Variants in CYP19A1 observed in about 807,000 individuals in gnomAD.
CYP19A1 encodes aromatase.
In CYP19A1, 32 loss-of-function variants were observed where a neutral mutation model predicts 44.4. The observed-to-expected ratio is 0.72, with a 90% CI of 0.54 to 0.97. The LOEUF (loss-of-function observed/expected upper bound fraction) is 0.97, where lower values mean the gene tolerates loss of function less well. Among genes scored for constraint, CYP19A1 ranks in the 50% least tolerant of loss-of-function variants. The pLI is 0.00. For synonymous variants in CYP19A1, 212 were observed against 215.6 expected (o/e 0.98, Z 0.14); for missense variants, 598 against 637.8 (o/e 0.94, Z 0.67).
chr15:51,295,411 C>T (rs952180599), intron 1 of CYP19A1, among the ~76,000 whole-genome samples: 3 of 152,148 alleles, frequency 2.0e-5, no homozygotes, highest in South Asian at 2.1e-4. Context: ...TGTCATTCCT[C>T]TCTATGGAGT....
chr15:51,331,227 A>G (rs1197592938), intron 1 of CYP19A1, among the ~76,000 whole-genome samples: 1 of 152,140 alleles, frequency 6.6e-6, no homozygotes, highest in African/African-American at 2.4e-5. Flanking sequence ...TCCAAATGAG[A>G]AAGACAGACC....
intron 1 of CYP19A1, among the ~76,000 whole-genome samples, chr15:51,248,885 T>TAAA (rs1435791206): frequency 6.6e-6 from 1 of 152,072 alleles, no homozygotes; most frequent in African/African-American, 2.4e-5. Flanking sequence ...AATCCTCTGC[T>TAAA]AAAAACCTTT....
intron 1 of CYP19A1, chr15:51,318,506 G>A (rs1233168133): frequency 6.6e-6 from 1 of 152,268 alleles, no homozygotes; most frequent in Non-Finnish European, 1.5e-5. Flanking sequence ...TTGGAGCCAG[G>A]AGCCAGTTTC....
rs912797225 is a variant in CYP19A1 at position 51,258,329 on chromosome 15, C to T, written c.-38-15379G>A. On this transcript the variant is annotated intron_variant, in intron 1 of 9. Coordinates refer to ENST00000396402, the MANE Select transcript of CYP19A1 (RefSeq NM_000103.4). The stretch of plus-strand genomic sequence containing the variant: ...AGCCCACAGCACTTGTTGTTCTCTC[C>T]AGCCTGCCGACACCTCTCCTACCAT... 7.9e-5 allele frequency among the ~76,000 whole-genome samples: 12 copies of T among 152,202 alleles called. No homozygotes were observed. The South Asian group carries it at 1.7e-3, about 21-fold the overall frequency.
chr15:51,260,720 G>T (rs545323353), intron 1 of CYP19A1, among the ~76,000 whole-genome samples: 1 of 152,250 alleles, frequency 6.6e-6, no homozygotes, highest in African/African-American at 2.4e-5. Flanking sequence ...TAGTAAAGAG[G>T]GCTCACTAAA....
chr15:51,328,681 A>C (rs1214291384), intron 1 of CYP19A1, among the ~76,000 whole-genome samples: 2 of 151,962 alleles, frequency 1.3e-5, no homozygotes, highest in African/African-American at 4.8e-5. Flanking sequence ...TTTATGTGTC[A>C]ACTTGACTGG....
intron 1 of CYP19A1, among the ~76,000 whole-genome samples, chr15:51,299,843 T>C (rs2140999976): frequency 6.6e-6 from 1 of 152,312 alleles, no homozygotes; most frequent in East Asian, 1.9e-4. Context: ...AAATGGTTGT[T>C]GAGTCCAGAA....
intron 7 of CYP19A1, 42 bp from the exon 8 acceptor site, chr15:51,215,274 A>T: frequency 6.2e-7 from 1 of 1,613,600 alleles, no homozygotes; most frequent in Non-Finnish European, 8.5e-7. Flanking sequence ...AAAGTGAATC[A>T]AAGTTTCAAA....
chr15:51,245,426 G>A (rs1299765203), intron 1 of CYP19A1, among the ~76,000 whole-genome samples: 3 of 152,154 alleles, frequency 2.0e-5, no homozygotes, highest in African/African-American at 4.8e-5. Flanking sequence ...GTGCCATGCT[G>A]GTGTGCTGCA....
rs2036595523 is a variant in CYP19A1, at chr15:51,325,663, C to T, written c.-39+12832G>A. 1.3e-5 allele frequency among the ~76,000 whole-genome samples: 2 copies of T among 151,918 alleles called. 1 individual carries two copies. Among genetic ancestry groups the T allele is most frequent in the South Asian group, 4.1e-4 (2 of 4,824 alleles). On this transcript the variant is annotated intron_variant, in intron 1 of 9. Coordinates refer to ENST00000396402, the MANE Select transcript of CYP19A1 (RefSeq NM_000103.4). Reference sequence around the variant, plus strand: ...GACCATCCTGGCTAACACGGTGAAACCCCGTCTCTACTAAAAATACAAAAA... The same window carrying T: ...GACCATCCTGGCTAACACGGTGAAATCCCGTCTCTACTAAAAATACAAAAA...
At chr15:51,215,882 T>C in intron 6 of CYP19A1, 65 bp from the exon 7 acceptor site, 6 of 1,605,494 alleles carry the variant, frequency 3.7e-6, no homozygotes, top group Non-Finnish European at 3.4e-6. Flanking sequence ...AACAGATTTA[T>C]TTGCCATGTA....
intron 1 of CYP19A1, among the ~76,000 whole-genome samples, chr15:51,328,112 C>T (rs569770185): frequency 1.3e-5 from 2 of 152,260 alleles, no homozygotes; most frequent in African/African-American, 4.8e-5. Context: ...CTGTGATTAC[C>T]ATTGCCATTT....
intron 1 of CYP19A1, among the ~76,000 whole-genome samples, chr15:51,292,074 G>T (rs894861562): frequency 6.6e-6 from 1 of 152,188 alleles, no homozygotes; most frequent in African/African-American, 2.4e-5. Context: ...AGCAAGTCTG[G>T]ACTCTTCTTT....
chr15:51,212,442 C>T lies in CYP19A1; in HGVS notation c.1141G>A (p.Asp381Asn). Residue 381 changes from aspartate (D) to asparagine (N), a missense_variant, in exon 9 of 10, where the codon GAT (aspartate) becomes AAT (asparagine). Coordinates refer to ENST00000396402, the MANE Select transcript of CYP19A1 (RefSeq NM_000103.4). ...DLVMRKALED[D>N]VIDGYPVKKG... The stretch of plus-strand genomic sequence containing the variant: ...TTCACTGGGTAGCCATCGATTACAT[C>T]ATCTTCTAAGGCTTTGCGCATGACC... 3 of 1,610,706 alleles carry T rather than the reference C, an allele frequency of 1.9e-6. No homozygotes were observed. The highest frequency in any genetic ancestry group is 1.1e-5 in the South Asian group (1 of 91,016).
chr15:51,288,192 C>T (rs190409881), intron 1 of CYP19A1, among the ~76,000 whole-genome samples: 2 of 152,272 alleles, frequency 1.3e-5, no homozygotes, highest in African/African-American at 4.8e-5. Context: ...TACCCTTTGC[C>T]TCCTGTCCCC....
At chr15:51,289,168 C>T (rs2035784580) in intron 1 of CYP19A1, among the ~76,000 whole-genome samples, 1 of 152,150 alleles carries the variant, frequency 6.6e-6, no homozygotes, top group Admixed American at 6.5e-5. Context: ...CCCTGTGGTA[C>T]TCTCTCTATG....
At chr15:51,268,925 ATATAT>A (rs2035025953) in intron 1 of CYP19A1, among the ~76,000 whole-genome samples, 1 of 151,904 alleles carries the variant, frequency 6.6e-6, no homozygotes, top group Non-Finnish European at 1.5e-5. Context: ...GACTTTTTTA[ATATAT>A]ATATATTCTG....
chr15:51,325,708 CAT>C (rs2036597134), intron 1 of CYP19A1, among the ~76,000 whole-genome samples: 1 of 151,956 alleles, frequency 6.6e-6, no homozygotes, highest in South Asian at 2.1e-4. Flanking sequence ...CGTGGTGGCA[CAT>C]GCCTGTAATC....
At chr15:51,229,579 T>A (rs528348633) in intron 3 of CYP19A1, among the ~76,000 whole-genome samples, 35 of 152,124 alleles carry the variant, frequency 2.3e-4, no homozygotes, top group Admixed American at 1.6e-3. Context: ...AATAAATAAA[T>A]AAAAATCCAG....
Sources: gnomAD v4.1 joint callset for allele counts (sites outside exome capture counted in the v4.1 genomes callset) on GRCh38, gnomAD v4.1.1 for gene constraint, MANE v1.5 for transcripts, NCBI Gene and HGNC (gene_info 2026-07-23, HGNC 2026-07-21) for gene names.